Variants in USP34 observed in about 807,000 individuals in gnomAD.
USP34 encodes the protein ubiquitin specific peptidase 34.
USP34 carries 70 observed loss-of-function variants against 460.3 expected under a neutral mutation model. The observed-to-expected ratio is 0.15, with a 90% CI of 0.13 to 0.19. The LOEUF (loss-of-function observed/expected upper bound fraction) is 0.19. Ranked by LOEUF, USP34 falls within the 10% of genes least tolerant of loss-of-function variation. The pLI is 1.00. For synonymous variants in USP34, 1,647 were observed against 1,405.3 expected, an observed-to-expected ratio of 1.17 and a Z score of -3.85; for missense variants, 3,985 against 4,236.2, an observed-to-expected ratio of 0.94 and a Z score of 1.65.
In USP34 at chr2:61,353,912, G is replaced by A. The variant is rs145599577; in HGVS notation, c.1252-3219C>T. 5.7e-4 allele frequency among the ~76,000 whole-genome samples: 87 copies of A among 152,208 alleles called. 1 individual carries two copies. Among genetic ancestry groups the A allele is most frequent in the African/African-American group, 1.9e-3 (81 of 41,540 alleles). ...ACAATACACTACACAAGGATTCAAA[G>A]GCAGCTCTGAGCAAGCGGAAAAAAG... On this transcript the variant is annotated intron_variant, in intron 10 of 79. Transcript: ENST00000398571.
intron 43 of USP34, among the ~76,000 whole-genome samples, chr2:61,264,828 A>T (rs1688999530): frequency 6.6e-6 from 1 of 152,208 alleles, no homozygotes; most frequent in South Asian, 2.1e-4. Context: ...GTTGGAGACC[A>T]GCCTGGTCAA....
intron 1 of USP34, among the ~76,000 whole-genome samples, chr2:61,424,695 G>A (rs1573028143): frequency 6.6e-6 from 1 of 152,096 alleles, no homozygotes; most frequent in Admixed American, 6.6e-5. Flanking sequence ...AGGCAACATG[G>A]CGAGACCCCC....
intron 27 of USP34, among the ~76,000 whole-genome samples, chr2:61,304,774 C>CA (rs1690348467): frequency 6.6e-6 from 1 of 152,190 alleles, no homozygotes; most frequent in African/African-American, 2.4e-5. Flanking sequence ...AATGACAACA[C>CA]ATTAATGTTG....
At chr2:61,279,050 C>A (rs1689457945) in intron 39 of USP34, among the ~76,000 whole-genome samples, 1 of 151,470 alleles carries the variant, frequency 6.6e-6, no homozygotes, top group African/African-American at 2.4e-5. Flanking sequence ...ACTTTACAAG[C>A]AAGCAAGATC....
In USP34 at chr2:61,202,247, T is replaced by A. The variant is rs557860888; in HGVS notation, c.9508+893A>T. ...ACCTTTTCCATAGGAAGGAGAGGGCTACGACTGATGAGGGGCACAAAGAAG... is the reference window on the plus strand; with the variant it reads ...ACCTTTTCCATAGGAAGGAGAGGGCAACGACTGATGAGGGGCACAAAGAAG... On this transcript the variant is annotated intron_variant, in intron 75 of 79. Transcript: ENST00000398571. Among the ~76,000 whole-genome samples, 421 of 152,314 alleles carry A rather than the reference T, an allele frequency of 2.8e-3. 1 individual carries two copies. Among genetic ancestry groups the A allele is most frequent in the African/African-American group, 9.4e-3 (392 of 41,562 alleles).
At chr2:61,440,944 G>A (rs540643209) in intron 1 of USP34, among the ~76,000 whole-genome samples, 9 of 151,706 alleles carry the variant, frequency 5.9e-5, no homozygotes, top group African/African-American at 1.9e-4. Flanking sequence ...TGGCTAACAC[G>A]GTGAAACCCC....
chr2:61,336,432 G>C (rs138871827), intron 18 of USP34, among the ~76,000 whole-genome samples: 109 of 151,314 alleles, frequency 7.2e-4, no homozygotes, highest in Middle Eastern at 3.4e-3. Context: ...GGTCCCTTTT[G>C]GATCTTTTTA....
At chr2:61,439,018 T>C (rs1694893891) in intron 1 of USP34, among the ~76,000 whole-genome samples, 2 of 152,156 alleles carry the variant, frequency 1.3e-5, no homozygotes, top group South Asian at 2.1e-4. Flanking sequence ...TGTTTCCATA[T>C]ACAAACAATA....
intron 58 of USP34, among the ~76,000 whole-genome samples, chr2:61,230,711 G>A (rs1687867834): frequency 2.0e-5 from 3 of 152,052 alleles, no homozygotes; most frequent in South Asian, 4.2e-4. Context: ...GGGCACGGTG[G>A]TGCGCGCCTG....
At chr2:61,216,251 T>A (rs530813034) in intron 67 of USP34, among the ~76,000 whole-genome samples, 1 of 152,244 alleles carries the variant, frequency 6.6e-6, no homozygotes, top group Non-Finnish European at 1.5e-5. Context: ...GTAGGTATCA[T>A]CCTGATCAAT....
chr2:61,321,276 T>A (rs200700869), intron 21 of USP34, among the ~76,000 whole-genome samples: 1 of 151,458 alleles, frequency 6.6e-6, no homozygotes, highest in Non-Finnish European at 1.5e-5. Context: ...ATCAAGACCA[T>A]CCTGGCCAAC....
At chr2:61,285,887 A>T (rs954717099) in intron 34 of USP34, among the ~76,000 whole-genome samples, 1 of 152,218 alleles carries the variant, frequency 6.6e-6, no homozygotes, top group Non-Finnish European at 1.5e-5. Flanking sequence ...ATATAAGGGG[A>T]GAAAATAATT....
At chr2:61,243,304 G>T (rs553522339) in intron 51 of USP34, among the ~76,000 whole-genome samples, 1 of 151,772 alleles carries the variant, frequency 6.6e-6, no homozygotes, top group African/African-American at 2.4e-5. Flanking sequence ...CCGCCACCAC[G>T]CCCGGCTAAT....
chr2:61,358,514 C>G (rs751064837), intron 10 of USP34, among the ~76,000 whole-genome samples: 1 of 152,004 alleles, frequency 6.6e-6, no homozygotes, highest in African/African-American at 2.4e-5. Context: ...AACCCACAGG[C>G]AATATCATAC....
intron 1 of USP34, among the ~76,000 whole-genome samples, chr2:61,460,909 G>A (rs1041527992): frequency 6.6e-6 from 1 of 151,538 alleles, no homozygotes; most frequent in African/African-American, 2.4e-5. Context: ...CTTGAACCTG[G>A]GAGGTGGAGG....
intron 1 of USP34, among the ~76,000 whole-genome samples, chr2:61,457,401 T>C (rs1210846129): frequency 2.6e-5 from 4 of 152,172 alleles, no homozygotes; most frequent in Non-Finnish European, 4.4e-5. Flanking sequence ...TGATTAAAAG[T>C]AAAGCACACC....
intron 69 of USP34, among the ~76,000 whole-genome samples, chr2:61,210,040 G>C (rs952380592): frequency 6.6e-6 from 1 of 151,728 alleles, no homozygotes; most frequent in Non-Finnish European, 1.5e-5. Context: ...TGTGTTTTAA[G>C]TGCTACGATA....
chr2:61,433,037 T>G (rs926617343), intron 1 of USP34, among the ~76,000 whole-genome samples: 1 of 152,156 alleles, frequency 6.6e-6, no homozygotes, highest in Non-Finnish European at 1.5e-5. Context: ...TCAGGGAGAC[T>G]GACTAAAGAC....
chr2:61,410,188 C>G (rs1693997810), intron 2 of USP34, among the ~76,000 whole-genome samples: 1 of 152,182 alleles, frequency 6.6e-6, no homozygotes, highest in African/African-American at 2.4e-5. Flanking sequence ...TTCTACAACT[C>G]ACCATAATGT....
Sources: allele counts gnomAD v4.1 joint callset (sites outside exome capture counted in the v4.1 genomes callset), GRCh38; gene constraint gnomAD v4.1.1; transcripts MANE v1.5; gene names NCBI Gene and HGNC (gene_info 2026-07-23, HGNC 2026-07-21).